DNAH14: variants seen among roughly 807,000 people sequenced by gnomAD.
The protein encoded by DNAH14 is dynein axonemal heavy chain 14.
In DNAH14, 478 loss-of-function variants were observed where a neutral mutation model predicts 520.9. The ratio of observed to expected loss-of-function variants is 0.92; its 90% confidence interval spans 0.85 to 0.99. The LOEUF (loss-of-function observed/expected upper bound fraction) is 0.99. Ranked by LOEUF, DNAH14 falls within the 50% of genes least tolerant of loss-of-function variation. The probability of loss-of-function intolerance (pLI) is 0.00; values close to 1 mark genes in which losing one functional copy is unlikely to be tolerated. For missense variants in DNAH14, 4,831 were observed against 5,234.5 expected, an observed-to-expected ratio of 0.92 and a Z score of 2.38; for synonymous variants, 1,581 against 1,757.2, an observed-to-expected ratio of 0.90 and a Z score of 2.51.
Position 224,964,552 on chromosome 1 carries a change from G to T in DNAH14, c.441G>T (p.Pro147=). Residue 147 remains proline, a synonymous_variant, in exon 5 of 86, where the codon CCG becomes CCT. Coordinates refer to ENST00000682510, the MANE Select transcript of DNAH14 (RefSeq NM_001367479.1). ...REKLGWQTIL[P]QHSLKYGSSK... ...AGCTTGGTTGGCAAACTATATTACC[G>T]CAGCACAGTTTGAAATACGGAAGCT... 2 of 1,608,146 alleles carry T rather than the reference G, an allele frequency of 1.2e-6. No individual in the cohort carries two copies. The highest frequency in any genetic ancestry group is 1.7e-6 in the Non-Finnish European group (2 of 1,176,592).
At chr1:225,174,667 T>C (rs1178408902) in intron 36 of DNAH14, among the ~76,000 whole-genome samples, 1 of 151,980 alleles carries the variant, frequency 6.6e-6, no homozygotes, top group East Asian at 1.9e-4. Flanking sequence ...CTTTTATTCC[T>C]TTCTGGTGCC....
At chr1:225,113,421 G>GGCCACAT (rs1300303612) in intron 23 of DNAH14, among the ~76,000 whole-genome samples, 1 of 152,188 alleles carries the variant, frequency 6.6e-6, no homozygotes, top group African/African-American at 2.4e-5. Context: ...GAGCCATGGT[G>GGCCACAT]GGTCAGACCT....
rs562459636 is a variant in DNAH14, at chr1:225,354,220, A to G, written c.11619+332A>G. 209 of 702,024 alleles carry G rather than the reference A, an allele frequency of 3.0e-4. 1 individual carries two copies. The East Asian group carries it at 5.6e-3, about 19-fold the overall frequency. The allele number at this position is 702,024 out of a possible 1,614,324, so 43.5% of individuals were successfully genotyped here. A position where few individuals can be genotyped will look rare whatever the true frequency, so the allele number is the denominator to read the frequency against. On this transcript the variant is annotated intron_variant, in intron 73 of 85. Coordinates refer to ENST00000682510, the MANE Select transcript of DNAH14 (RefSeq NM_001367479.1). ...TCCGTGCCATAAACCATACAGGAACAGACCTTGGTCCTGTAGGGAGAGGCC... is the reference window on the plus strand; with the variant it reads ...TCCGTGCCATAAACCATACAGGAACGGACCTTGGTCCTGTAGGGAGAGGCC...
chr1:224,938,634 G>C (rs1310492791), intron 1 of DNAH14, among the ~76,000 whole-genome samples: 1 of 152,112 alleles, frequency 6.6e-6, no homozygotes, highest in Admixed American at 6.5e-5. Context: ...CAATATGGAG[G>C]TTCCTCAAAA....
At chr1:225,348,227 T>C (rs867194047) in intron 71 of DNAH14, among the ~76,000 whole-genome samples, 5 of 151,954 alleles carry the variant, frequency 3.3e-5, no homozygotes, top group Admixed American at 2.0e-4. Flanking sequence ...AAGAGACTTA[T>C]AGGATGCTGT....
rs537704786 is a variant in DNAH14 at position 224,977,427 on chromosome 1, C to T, written c.830+3274C>T. ...GGGTGCAGCACACCGGCATGGCACACGTATACATATGTAACTAACGTGCAC... is the reference window on the plus strand; with the variant it reads ...GGGTGCAGCACACCGGCATGGCACATGTATACATATGTAACTAACGTGCAC... On this transcript the variant is annotated intron_variant, in intron 8 of 85. Coordinates refer to ENST00000682510, the MANE Select transcript of DNAH14 (RefSeq NM_001367479.1). Among the ~76,000 whole-genome samples, 23 of 151,956 alleles carry T rather than the reference C, an allele frequency of 1.5e-4. No individual in the cohort carries two copies. In the East Asian group the frequency reaches 3.1e-3, roughly 20 times the overall value.
intron 4 of DNAH14, 88 bp from the exon 5 acceptor site, chr1:224,964,391 A>G (rs1417639076): frequency 1.6e-5 from 22 of 1,334,084 alleles, no homozygotes; most frequent in South Asian, 4.8e-5. Context: ...ATTTTTCTCT[A>G]TATAGAAATA....
intron 68 of DNAH14, 65 bp downstream of exon 68, chr1:225,338,247 C>T: frequency 6.6e-7 from 1 of 1,519,556 alleles, no homozygotes; most frequent in Non-Finnish European, 8.9e-7. Flanking sequence ...TATTGAATGC[C>T]TTGTATTTCA....
chr1:225,113,695 A>G lies in DNAH14; in HGVS notation c.3868-3989A>G, dbSNP rs2076654255. ...CCTGAGCTGGCACTCAAACCACAAG[A>G]CACAGTCCTTCTCACTCTTCCCTTC... On this transcript the variant is annotated intron_variant, in intron 23 of 85. Transcript: ENST00000682510. Among the ~76,000 whole-genome samples, 5 of 152,314 alleles carry G rather than the reference A, an allele frequency of 3.3e-5. No individual in the cohort carries two copies. In the South Asian group the frequency reaches 1.0e-3, roughly 32 times the overall value.
chr1:225,121,453 G>A (rs1466294231), intron 26 of DNAH14, among the ~76,000 whole-genome samples: 1 of 152,020 alleles, frequency 6.6e-6, no homozygotes, highest in Non-Finnish European at 1.5e-5. Flanking sequence ...CTCTACTTCT[G>A]TGAATAGAGA....
chr1:225,381,549 T>C lies in DNAH14; in HGVS notation c.13047T>C (p.Phe4349=). The change falls in exon 81 of 86, where the codon TTT becomes TTC. Residue 4349 remains phenylalanine, a synonymous_variant. Transcript: ENST00000682510. ...AATTGGAGGAAATATTTAACTCTTT[T>C]CTTAATATGAGAGTGCCTACATTGT... The part of the protein sequence containing the change: ...TQELEEIFNS[F]LNMRVPTLWQ... The C allele has an allele frequency of 6.5e-7, 1 of 1,535,526 alleles. No homozygotes were observed. Among genetic ancestry groups the C allele is most frequent in the Non-Finnish European group, 8.8e-7 (1 of 1,142,566 alleles).
chr1:225,289,834 A>G, intron 54 of DNAH14, 51 bp from the exon 55 acceptor site: 43 of 1,216,118 alleles, frequency 3.5e-5, no homozygotes, highest in Non-Finnish European at 4.5e-5. Context: ...CTATACGTTG[A>G]AAGATTCCCA....
Position 225,153,846 on chromosome 1 carries a change from GT to G in DNAH14, c.5273+22del. 6.5e-7 allele frequency: 1 copy of G among 1,535,238 alleles called. No homozygotes were observed. The highest frequency in any genetic ancestry group is 8.8e-7 in the Non-Finnish European group (1 of 1,133,352). ...TAAATGGTCAGTTGAATTTTGAATT[GT>G]TAGGTCAAAGGGAGTTATATACTGC... On this transcript the variant is annotated intron_variant, in intron 34 of 85. Coordinates refer to ENST00000682510, the MANE Select transcript of DNAH14 (RefSeq NM_001367479.1).
intron 10 of DNAH14, among the ~76,000 whole-genome samples, chr1:225,015,572 G>T (rs573835838): frequency 2.6e-4 from 40 of 152,080 alleles, no homozygotes; most frequent in African/African-American, 9.7e-4. Context: ...TAGAGGTGAC[G>T]AACTTATTCT....
intron 66 of DNAH14, among the ~76,000 whole-genome samples, chr1:225,335,031 CATAT>C (rs759128399): frequency 6.8e-6 from 1 of 148,076 alleles, no homozygotes; most frequent in Non-Finnish European, 1.5e-5. Flanking sequence ...TATATACATA[CATAT>C]ATACACATAT....
intron 5 of DNAH14, among the ~76,000 whole-genome samples, chr1:224,966,511 T>C (rs1382581129): frequency 3.3e-5 from 5 of 152,128 alleles, no homozygotes; most frequent in African/African-American, 1.2e-4. Flanking sequence ...AAATTTTCCT[T>C]AAAATTTTCC....
At chr1:225,264,006 T>C (rs1262001076) in intron 46 of DNAH14, among the ~76,000 whole-genome samples, 191 bp from the exon 47 acceptor site, 1 of 152,138 alleles carries the variant, frequency 6.6e-6, no homozygotes, top group Non-Finnish European at 1.5e-5. Context: ...AGTTAGCTTA[T>C]GTTTTGTTCA....
At chr1:224,988,694 G>A (rs903571807) in intron 8 of DNAH14, among the ~76,000 whole-genome samples, 10 of 152,268 alleles carry the variant, frequency 6.6e-5, no homozygotes, top group Middle Eastern at 3.4e-3. Context: ...CAGCCAGGCT[G>A]GAGTGCAGTG....
chr1:225,032,161 A>C (rs1479556838), intron 11 of DNAH14, among the ~76,000 whole-genome samples: 1 of 151,922 alleles, frequency 6.6e-6, no homozygotes, highest in Non-Finnish European at 1.5e-5. Context: ...TTTGTTGTAC[A>C]TATTATTACA....
Sources: gnomAD v4.1 joint callset for allele counts (sites outside exome capture counted in the v4.1 genomes callset) on GRCh38, gnomAD v4.1.1 for gene constraint, MANE v1.5 for transcripts, NCBI Gene and HGNC (gene_info 2026-07-23, HGNC 2026-07-21) for gene names.